ARHGAP6: variants seen among roughly 807,000 people sequenced by gnomAD.
The protein encoded by ARHGAP6 is rho GTPase-activating protein 6.
In ARHGAP6, 16 loss-of-function variants were observed where a neutral mutation model predicts 55.7. The observed-to-expected ratio is 0.29, with a 90% confidence interval of 0.19 to 0.44. ARHGAP6 has a LOEUF of 0.44. ARHGAP6 is among the 20% of genes least tolerant of loss of function. The pLI is 1.00. For synonymous variants in ARHGAP6, 382 were observed against 360.9 expected (o/e 1.06, Z -0.66); for missense variants, 698 against 808.9 (o/e 0.86, Z 1.66).
chrX:11,182,072 T>C lies in ARHGAP6; in HGVS notation c.1320A>G (p.Arg440=). Residue 440 remains arginine, a synonymous_variant, in exon 6 of 13, where the codon AGA becomes AGG. Coordinates refer to ENST00000337414, the MANE Select transcript of ARHGAP6 (RefSeq NM_013427.3). The stretch of plus-strand genomic sequence containing the variant: ...TTTACTTTTCACTTACTTGTCTCAC[T>C]CTCTTTTTTGAGCTTCCAACTCGGA... ...GIFRVGSSKK[R]VRQLREEFDR... The C allele has an allele frequency of 8.3e-7, 1 of 1,204,489 alleles. No individual in the cohort carries two copies. The highest frequency in any genetic ancestry group is 1.1e-6 in the Non-Finnish European group (1 of 890,491).
At chrX:11,624,024 A>G (rs948526787) in intron 1 of ARHGAP6, among the ~76,000 whole-genome samples, 47 of 111,807 alleles carry the variant, frequency 4.2e-4, no homozygotes, top group Non-Finnish European at 2.4e-4. Context: ...TGGCATAAAA[A>G]TAGACACAGA....
intron 1 of ARHGAP6, among the ~76,000 whole-genome samples, chrX:11,555,094 G>T (rs1385471477): frequency 8.9e-6 from 1 of 111,967 alleles, no homozygotes. Flanking sequence ...AACCTAGAAA[G>T]ATACCTGAAA....
chrX:11,169,661 A>G lies in ARHGAP6; in HGVS notation c.1653T>C (p.Ser551=), dbSNP rs1331359010. 2.5e-6 allele frequency: 3 copies of G among 1,197,668 alleles called. No homozygotes were observed. Among genetic ancestry groups the G allele is most frequent in the African/African-American group, 3.5e-5 (2 of 56,374 alleles). The change falls in exon 9 of 13, where the codon TCT becomes TCC. Residue 551 remains serine, a synonymous_variant. Coordinates refer to ENST00000337414, the MANE Select transcript of ARHGAP6 (RefSeq NM_013427.3). ...GTCCAAATATGGTGGCTAAGTTTAG[A>G]GATGTCATTTTATTCCCAGTGACCT... The part of the protein sequence containing the change: ...GQEVTGNKMT[S]LNLATIFGPN...
At position 11,160,200 on chromosome X, in the gene ARHGAP6, A is replaced by G. The variant is rs2045921950; in HGVS notation, c.1810-3574T>C. ...TGCGGTGGCTCACGCCTGTAATCCT[A>G]GCACTTTGGGAGGCCGAGGTGGGCA... On this transcript the variant is annotated intron_variant, in intron 9 of 12. Coordinates refer to ENST00000337414, the MANE Select transcript of ARHGAP6 (RefSeq NM_013427.3). Among the ~76,000 whole-genome samples, 10 of 109,967 alleles carry G rather than the reference A, an allele frequency of 9.1e-5. No individual in the cohort carries two copies. In the South Asian group the frequency reaches 4.0e-3, roughly 44 times the overall value.
intron 1 of ARHGAP6, among the ~76,000 whole-genome samples, chrX:11,357,448 C>T (rs2048945245): frequency 9.0e-6 from 1 of 111,201 alleles, no homozygotes; most frequent in African/African-American, 3.3e-5. Context: ...AATGTTTTCT[C>T]TTTTTAAGTT....
rs765237037 is a variant in ARHGAP6, at chrX:11,484,403, A to T, written c.588+179838T>A. ...AAGGAGGAGGAAGAAGAAAAAGAGA[A>T]GGAAGATGATAATGAAGAGGAAGAA... On this transcript the variant is annotated intron_variant, in intron 1 of 12. Transcript: ENST00000337414. 2.8e-5 allele frequency among the ~76,000 whole-genome samples: 3 copies of T among 107,405 alleles called. No individual in the cohort carries two copies. In the East Asian group the frequency reaches 8.7e-4, roughly 31 times the overall value. 93.3% of individuals were successfully genotyped at this position (107,405 alleles called of 115,157 possible). A position where few individuals can be genotyped will look rare whatever the true frequency, so the allele number is the denominator to read the frequency against.
intron 1 of ARHGAP6, among the ~76,000 whole-genome samples, chrX:11,312,338 T>C (rs1314340859): frequency 8.0e-5 from 9 of 111,803 alleles, no homozygotes; most frequent in Admixed American, 5.7e-4. Flanking sequence ...GGTCTTGAAC[T>C]AAAAAGAATT....
At chrX:11,517,036 C>G (rs2050848845) in intron 1 of ARHGAP6, among the ~76,000 whole-genome samples, 1 of 112,007 alleles carries the variant, frequency 8.9e-6, no homozygotes, top group African/African-American at 3.2e-5. Context: ...ACAATAATAA[C>G]AATCACAAAA....
At chrX:11,351,825 G>A (rs146844418) in intron 1 of ARHGAP6, 4,134 of 113,001 alleles carry the variant, frequency 0.037, 196 homozygotes, top group African/African-American at 0.13. Context: ...CCTTTCTGTG[G>A]GAAAATTCCT....
chrX:11,514,961 T>C (rs2050823299), intron 1 of ARHGAP6, among the ~76,000 whole-genome samples: 1 of 111,299 alleles, frequency 9.0e-6, no homozygotes, highest in Admixed American at 9.6e-5. Context: ...TTCTCCTATC[T>C]GTAAATTCTC....
chrX:11,664,289 C>T lies in ARHGAP6; in HGVS notation c.540G>A (p.Gln180=). 4.1e-6 allele frequency: 5 copies of T among 1,211,811 alleles called. No individual in the cohort carries two copies. The highest frequency in any genetic ancestry group is 5.6e-6 in the Non-Finnish European group (5 of 895,445). The change falls in exon 1 of 13, where the codon CAG becomes CAA. Residue 180 remains glutamine, a synonymous_variant. Transcript: ENST00000337414. ...GGTGCCCGCGACTGTCGGGTGGGGACTGGAACTTCCTCTGCTGGAGCCACC... is the reference window on the plus strand; with the variant it reads ...GGTGCCCGCGACTGTCGGGTGGGGATTGGAACTTCCTCTGCTGGAGCCACC... ...PRRWLQQRKF[Q]SPPDSRGHPY...
At position 11,404,588 on chromosome X, in the gene ARHGAP6, C is replaced by T. The variant is rs939731914; in HGVS notation, c.589-149881G>A. ...TCATAAGTTTTTTACCCTCCAAAAC[C>T]TCATCTTAAAAAGTTTTGTGTTTGT... is the stretch of plus-strand genomic sequence containing the variant. On this transcript the variant is annotated intron_variant, in intron 1 of 12. Transcript: ENST00000337414. Among the ~76,000 whole-genome samples the T allele has an allele frequency of 2.0e-4, 22 of 111,937 alleles. 1 individual carries two copies. Among genetic ancestry groups the T allele is most frequent in the Middle Eastern group, 4.6e-3 (1 of 217 alleles).
chrX:11,214,293 G>C (rs2046846838), intron 2 of ARHGAP6, among the ~76,000 whole-genome samples: 2 of 110,561 alleles, frequency 1.8e-5, no homozygotes, highest in Admixed American at 1.9e-4. Flanking sequence ...ACGTGTGTGT[G>C]TGCACATACA....
At chrX:11,190,702 C>T (rs1315297210) in intron 3 of ARHGAP6, among the ~76,000 whole-genome samples, 3 of 110,779 alleles carry the variant, frequency 2.7e-5, no homozygotes, top group African/African-American at 9.9e-5. Flanking sequence ...CATGTCTGCT[C>T]AGGTGGGCAT....
chrX:11,444,159 T>C (rs1417562548), intron 1 of ARHGAP6, among the ~76,000 whole-genome samples: 1 of 111,945 alleles, frequency 8.9e-6, no homozygotes, highest in Non-Finnish European at 1.9e-5. Context: ...AGGTCATATA[T>C]ACAGTCTGTG....
chrX:11,214,212 C>A (rs1366713034), intron 2 of ARHGAP6, among the ~76,000 whole-genome samples: 1 of 109,182 alleles, frequency 9.2e-6, no homozygotes, highest in African/African-American at 3.3e-5. Flanking sequence ...GCCATTATAC[C>A]TCTGCAATGT....
chrX:11,394,010 G>T (rs2049444214), intron 1 of ARHGAP6, among the ~76,000 whole-genome samples: 1 of 111,341 alleles, frequency 9.0e-6, no homozygotes, highest in Admixed American at 9.6e-5. Flanking sequence ...TCAGAAGGTA[G>T]GGTGAGTAGT....
At chrX:11,518,715 T>C (rs1413889637) in intron 1 of ARHGAP6, among the ~76,000 whole-genome samples, 1 of 102,930 alleles carries the variant, frequency 9.7e-6, no homozygotes, top group Non-Finnish European at 2.0e-5. Context: ...ACATGTGCCA[T>C]GCTGGTGCGC....
At chrX:11,196,406 G>A (rs778792217) in intron 3 of ARHGAP6, among the ~76,000 whole-genome samples, 1 of 110,738 alleles carries the variant, frequency 9.0e-6, no homozygotes, top group Admixed American at 9.7e-5. Context: ...TATCTTGGCT[G>A]AGGCAATGTA....
Sources: allele counts gnomAD v4.1 joint callset (sites outside exome capture counted in the v4.1 genomes callset), GRCh38; gene constraint gnomAD v4.1.1; transcripts MANE v1.5; gene names NCBI Gene and HGNC (gene_info 2026-07-23, HGNC 2026-07-21).